The following ERBB2 variants were observed in gnomAD, a reference collection of about 807,000 sequenced individuals.
ERBB2 encodes the protein erb-b2 receptor tyrosine kinase 2.
A neutral mutation model predicts 149.0 loss-of-function variants in ERBB2; 61 were observed. The observed-to-expected ratio is 0.41, with a 90% CI of 0.33 to 0.51. ERBB2 has a LOEUF of 0.51. Among genes scored for constraint, ERBB2 ranks in the 20% least tolerant of loss-of-function variants. The pLI, the probability that ERBB2 is intolerant of heterozygous loss-of-function variation, is 0.25. For synonymous variants in ERBB2, 633 were observed against 678.8 expected (o/e 0.93, Z 1.05); for missense variants, 1,205 against 1,655.1 (o/e 0.73, Z 4.72).
In ERBB2 at chr17:39,712,045, G is replaced by A. The variant is rs532077147; in HGVS notation, c.1019G>A (p.Arg340Gln). ...RCEKCSKPCARVCYGLGMEHL... is the reference protein window; with the variant it reads ...RCEKCSKPCAQVCYGLGMEHL... The stretch of plus-strand genomic sequence containing the variant: ...GAGAAGTGCAGCAAGCCCTGTGCCC[G>A]AGGTACCCACTCACTGCCCCCGAGG... The change falls in exon 8 of 27, where the codon CGA (arginine) becomes CAA (glutamine). Residue 340 changes from arginine to glutamine, a missense_variant and splice_region_variant. Arg to Gln is a conservative substitution (Grantham distance 43). This residue lies in a region of ERBB2 where 569 missense variants were observed against 803.5 expected (regional missense o/e 0.71). Coordinates refer to ENST00000269571, the MANE Select transcript of ERBB2 (RefSeq NM_004448.4). 19 of 1,613,834 alleles carry A rather than the reference G, an allele frequency of 1.2e-5. No homozygotes were observed. The South Asian group carries it at 1.4e-4, about 12-fold the overall frequency.
chr17:39,707,914 A>C lies in ERBB2; in HGVS notation c.226-407A>C, dbSNP rs1271892384. On this transcript the variant is annotated intron_variant, in intron 2 of 26. Coordinates refer to ENST00000269571, the MANE Select transcript of ERBB2 (RefSeq NM_004448.4). ...TTGGGAAGGCTGAGGCAGGAGAATC[A>C]CTTGAACCTGGGAGACGGAGGTTGT... is the stretch of plus-strand genomic sequence containing the variant. 3.1e-5 allele frequency: 5 copies of C among 160,366 alleles called. No homozygotes were observed. In the Admixed American group the frequency reaches 3.1e-4, roughly 10 times the overall value. 9.9% of individuals were successfully genotyped at this position (160,366 alleles called of 1,614,324 possible). A position where few individuals can be genotyped will look rare whatever the true frequency, so the allele number is the denominator to read the frequency against.
At chr17:39,706,728 T>G (rs2058462905) in intron 1 of ERBB2, 1 of 347,080 alleles carries the variant, frequency 2.9e-6, no homozygotes, top group South Asian at 1.4e-4. Context: ...TCCCCAGGGC[T>G]GGCACGCTGG....
chr17:39,697,640 G>A (rs977105361), upstream of ERBB2, among the ~76,000 whole-genome samples: 10 of 152,140 alleles, frequency 6.6e-5, no homozygotes, highest in African/African-American at 2.4e-4. Context: ...ACAGGCATGA[G>A]CCACCGCACC....
chr17:39,709,991 T>A, intron 5 of ERBB2, 95 bp from the exon 6 acceptor site: 1 of 1,496,246 alleles, frequency 6.7e-7, no homozygotes, highest in African/African-American at 1.4e-5. Context: ...TTGGGATGTC[T>A]CCCCTGGGCC....
intron 7 of ERBB2, among the ~76,000 whole-genome samples, chr17:39,711,149 C>G (rs1390687766): frequency 6.6e-6 from 1 of 151,836 alleles, no homozygotes; most frequent in African/African-American, 2.4e-5. Flanking sequence ...ATCCACCTGC[C>G]TCGGCCTCTG....
In ERBB2 at chr17:39,727,797, C is replaced by T. The variant is rs1351450168; in HGVS notation, c.3521C>T (p.Ser1174Phe). The change falls in exon 27 of 27, where the codon TCC becomes TTC. Residue 1174 changes from serine (S) to phenylalanine (F), a missense_variant. Coordinates refer to ENST00000269571, the MANE Select transcript of ERBB2 (RefSeq NM_004448.4). This position sits in a 1 kb window ranked among gnomAD's most constrained non-coding sequence, Gnocchi z 4.3. ...GATLERPKTL[S>F]PGKNGVVKDV... ...ACTCTGGAAAGGCCCAAGACTCTCTCCCCAGGGAAGAATGGGGTCGTCAAA... is the reference window on the plus strand; with the variant it reads ...ACTCTGGAAAGGCCCAAGACTCTCTTCCCAGGGAAGAATGGGGTCGTCAAA... 41 of 1,613,104 alleles carry T rather than the reference C, an allele frequency of 2.5e-5. No individual in the cohort carries two copies. Among genetic ancestry groups the T allele is most frequent in the Non-Finnish European group, 3.4e-5 (40 of 1,179,322 alleles).
intron 9 of ERBB2, 143 bp downstream of exon 9, chr17:39,712,591 A>G (rs748849317): frequency 3.1e-5 from 30 of 983,276 alleles, no homozygotes; most frequent in Non-Finnish European, 4.2e-5. Flanking sequence ...AGACCAGAGG[A>G]GCAGGGCCTT....
chr17:39,715,969 C>T (rs1297340018), intron 12 of ERBB2, 30 bp downstream of exon 12: 10 of 1,594,228 alleles, frequency 6.3e-6, no homozygotes, highest in Non-Finnish European at 8.5e-6. Flanking sequence ...GTGCGCACTC[C>T]CCATCTGCCA....
Position 39,723,370 on chromosome 17 carries a change from C to T in ERBB2, c.1998C>T (p.Val666=), listed in dbSNP as rs1182211514. The part of the protein sequence containing the change: ...SAVVGILLVV[V]LGVVFGILIK... ...TGGTTGGCATTCTGCTGGTCGTGGT[C>T]TTGGGGGTGGTCTTTGGGATCCTCA... The change falls in exon 17 of 27, where the codon GTC becomes GTT. Residue 666 remains valine (V), a synonymous_variant. Coordinates refer to ENST00000269571, the MANE Select transcript of ERBB2 (RefSeq NM_004448.4). The surrounding 1 kb of genome is among the most constrained non-coding windows in gnomAD (Gnocchi z 6.2). 1 of 1,612,936 alleles carries T rather than the reference C, an allele frequency of 6.2e-7. No individual in the cohort carries two copies. Among genetic ancestry groups the T allele is most frequent in the South Asian group, 1.1e-5 (1 of 91,058 alleles).
upstream of ERBB2, among the ~76,000 whole-genome samples, chr17:39,698,986 A>C (rs1447673104): frequency 6.6e-6 from 1 of 151,756 alleles, no homozygotes. Context: ...TCTTCCTTCC[A>C]TCCCCACCCC....
In ERBB2 at chr17:39,726,688, C is replaced by G. The variant is rs2143147826; in HGVS notation, c.2970+29C>G. On this transcript the variant is annotated intron_variant, in intron 24 of 26. Transcript: ENST00000269571. The surrounding 1 kb of genome is among the most constrained non-coding windows in gnomAD (Gnocchi z 5.1). ...CTGGGCCTCTGTGCCCCATCCCTGC[C>G]TGTGGCTAAGAGCACCCTCCTGCAG... 6.2e-7 allele frequency: 1 copy of G among 1,607,794 alleles called. No homozygotes were observed. The highest frequency in any genetic ancestry group is 8.5e-7 in the Non-Finnish European group (1 of 1,174,152).
chr17:39,697,060 G>A (rs2057879056), upstream of ERBB2, among the ~76,000 whole-genome samples: 1 of 152,140 alleles, frequency 6.6e-6, no homozygotes. Flanking sequence ...GTGAGAGTAA[G>A]GGGTCAGTTT....
chr17:39,708,877 C>T (rs2058625454), intron 3 of ERBB2, among the ~76,000 whole-genome samples: 2 of 152,154 alleles, frequency 1.3e-5, no homozygotes, highest in African/African-American at 4.8e-5. Flanking sequence ...GCCCGCATGG[C>T]CCATTTCAGT....
In ERBB2 at chr17:39,727,286, T is replaced by C. The variant is rs1327760987; in HGVS notation, c.3160-9T>C. On this transcript the variant is annotated splice_polypyrimidine_tract_variant and intron_variant, in intron 25 of 26. Coordinates refer to ENST00000269571, the MANE Select transcript of ERBB2 (RefSeq NM_004448.4). This position sits in a 1 kb window ranked among gnomAD's most constrained non-coding sequence, Gnocchi z 4.3. ...TGACCCCCATCATGACTTTCTTTCT[T>C]GTCCCCAGAGTGGCGGTGGGGACCT... The C allele has an allele frequency of 6.2e-7, 1 of 1,611,722 alleles. No individual in the cohort carries two copies.
chr17:39,728,129 G>C lies in ERBB2; in HGVS notation c.*85G>C, dbSNP rs913868767. The C allele has an allele frequency of 1.6e-5, 16 of 1,004,412 alleles. No homozygotes were observed. Among genetic ancestry groups the C allele is most frequent in the Non-Finnish European group, 2.3e-5 (16 of 696,952 alleles). 62.2% of individuals were successfully genotyped at this position (1,004,412 alleles called of 1,614,324 possible). ...CTTCTGCTGGCATCAAGAGGTGGGAGGGCCCTCCGACCACTTCCAGGGGAA... is the reference window on the plus strand; with the variant it reads ...CTTCTGCTGGCATCAAGAGGTGGGACGGCCCTCCGACCACTTCCAGGGGAA... On this transcript the variant is annotated 3_prime_UTR_variant, in exon 27 of 27. Transcript: ENST00000269571.
chr17:39,713,756 A>G (rs1349975757), intron 9 of ERBB2, among the ~76,000 whole-genome samples: 1 of 141,960 alleles, frequency 7.0e-6, no homozygotes, highest in Non-Finnish European at 1.5e-5. Context: ...CTGTCTCAAA[A>G]AGAAAAAAAA....
chr17:39,704,810 C>G (rs2058328235), intron 1 of ERBB2, among the ~76,000 whole-genome samples: 1 of 152,170 alleles, frequency 6.6e-6, no homozygotes, highest in Admixed American at 6.5e-5. Context: ...AACAAACTCA[C>G]TAGTGGGGTG....
exon 1 of ERBB2, chr17:39,695,050 G>A (rs1416639812): frequency 6.6e-6 from 1 of 152,552 alleles, no homozygotes; most frequent in Non-Finnish European, 1.5e-5. Context: ...AAGAGTCACA[G>A]ATAAAACGGG....
At chr17:39,718,241 T>C (rs916132880) in intron 15 of ERBB2, among the ~76,000 whole-genome samples, 10 of 152,260 alleles carry the variant, frequency 6.6e-5, no homozygotes, top group African/African-American at 9.6e-5. Flanking sequence ...TCTTTTAATT[T>C]TTCTTATTTA....
Sources: gnomAD v4.1 joint callset for allele counts (sites outside exome capture counted in the v4.1 genomes callset) on GRCh38, gnomAD v4.1.1 for gene constraint, gnomAD v4.1.1 regional missense constraint, Gnocchi (gnomAD v3.1) non-coding constraint, MANE v1.5 for transcripts, NCBI Gene and HGNC (gene_info 2026-07-23, HGNC 2026-07-21) for gene names.